The following ARHGAP24 variants were observed in gnomAD, a reference collection of about 807,000 sequenced individuals.
ARHGAP24 encodes Rho GTPase activating protein 24.
ARHGAP24 carries 50 observed loss-of-function variants against 76.4 expected under a neutral mutation model. That is an observed-to-expected ratio of 0.65 (90% CI 0.52 to 0.83). The LOEUF (loss-of-function observed/expected upper bound fraction) is 0.83. ARHGAP24 is among the 40% of genes least tolerant of loss of function. ARHGAP24 has a pLI of 0.00. For missense variants in ARHGAP24, 930 were observed against 914.2 expected (o/e 1.02, Z -0.22); for synonymous variants, 345 against 323.3 (o/e 1.07, Z -0.72).
intron 2 of ARHGAP24, among the ~76,000 whole-genome samples, chr4:85,678,583 G>A (rs1723083236): frequency 6.6e-6 from 1 of 152,108 alleles, no homozygotes; most frequent in South Asian, 2.1e-4. Flanking sequence ...TTAATACCAG[G>A]AAGCTTCTGA....
intron 3 of ARHGAP24, among the ~76,000 whole-genome samples, chr4:85,745,036 AAT>A (rs1352480652): frequency 6.6e-6 from 1 of 152,128 alleles, no homozygotes; most frequent in African/African-American, 2.4e-5. Flanking sequence ...ACAATGTTTA[AAT>A]ATGAGTGTGA....
At position 85,701,005 on chromosome 4, in the gene ARHGAP24, G is replaced by A. The variant is rs140713088; in HGVS notation, c.181-20880G>A. 3.3e-3 allele frequency among the ~76,000 whole-genome samples: 500 copies of A among 152,232 alleles called. 2 individuals carry two copies. Among genetic ancestry groups the A allele is most frequent in the African/African-American group, 0.011 (473 of 41,554 alleles). ...TTCCCCTTGGAAATTCATGAATTAA[G>A]ATGATCTGGAATTGGAAGAAATATT... On this transcript the variant is annotated intron_variant, in intron 2 of 9. Transcript: ENST00000395184.
chr4:85,654,363 T>A (rs1722056101), intron 2 of ARHGAP24, among the ~76,000 whole-genome samples: 1 of 152,186 alleles, frequency 6.6e-6, no homozygotes, highest in African/African-American at 2.4e-5. Context: ...CCTTAAAGGT[T>A]CTATCTCCAA....
chr4:85,855,382 CTAGTCT>C (rs1216675412), intron 3 of ARHGAP24, among the ~76,000 whole-genome samples: 1 of 152,130 alleles, frequency 6.6e-6, no homozygotes, highest in Non-Finnish European at 1.5e-5. Flanking sequence ...ACCAGAATGT[CTAGTCT>C]TAATTTCACA....
At chr4:85,959,973 G>T (rs1738150340) in intron 5 of ARHGAP24, among the ~76,000 whole-genome samples, 1 of 152,018 alleles carries the variant, frequency 6.6e-6, no homozygotes, top group Non-Finnish European at 1.5e-5. Flanking sequence ...ATTCTAAAAA[G>T]TAACCAGAGG....
intron 2 of ARHGAP24, among the ~76,000 whole-genome samples, chr4:85,705,493 C>A (rs565322280): frequency 6.6e-6 from 1 of 152,276 alleles, no homozygotes; most frequent in African/African-American, 2.4e-5. Context: ...AATCAGAACA[C>A]CTGTAGAGAT....
chr4:85,928,807 G>A (rs1736160848), intron 4 of ARHGAP24, among the ~76,000 whole-genome samples: 1 of 152,108 alleles, frequency 6.6e-6, no homozygotes, highest in Non-Finnish European at 1.5e-5. Flanking sequence ...GTTAGCTACT[G>A]CCAAAATCAG....
chr4:85,965,620 T>A (rs942594165), intron 5 of ARHGAP24, among the ~76,000 whole-genome samples: 1 of 152,130 alleles, frequency 6.6e-6, no homozygotes, highest in Non-Finnish European at 1.5e-5. Context: ...CCACTCCAAA[T>A]ACATGTTCTG....
At chr4:85,722,934 C>G (rs978966724) in intron 3 of ARHGAP24, among the ~76,000 whole-genome samples, 1 of 152,128 alleles carries the variant, frequency 6.6e-6, no homozygotes, top group Admixed American at 6.6e-5. Context: ...TCGATGAAAA[C>G]AGCTGTGGCA....
At chr4:85,849,933 A>G (rs577158531) in intron 3 of ARHGAP24, among the ~76,000 whole-genome samples, 2 of 151,774 alleles carry the variant, frequency 1.3e-5, no homozygotes. Context: ...TCTCTGCCAG[A>G]CTTTGGTATC....
chr4:85,699,920 A>C (rs10033273), intron 2 of ARHGAP24, among the ~76,000 whole-genome samples: 106,399 of 151,982 alleles, frequency 0.7, 37,999 homozygotes, highest in Non-Finnish European at 0.79. Flanking sequence ...TGAATAAAAG[A>C]ACAGCTACAA....
intron 2 of ARHGAP24, among the ~76,000 whole-genome samples, chr4:85,625,059 T>A (rs1720888798): frequency 6.6e-6 from 1 of 152,190 alleles, no homozygotes; most frequent in Non-Finnish European, 1.5e-5. Flanking sequence ...GGGTTTTTTG[T>A]GTCCTATTTC....
chr4:85,620,897 C>T (rs745368324), intron 2 of ARHGAP24, among the ~76,000 whole-genome samples: 1 of 151,728 alleles, frequency 6.6e-6, no homozygotes, highest in Non-Finnish European at 1.5e-5. Flanking sequence ...AGCATAGTAC[C>T]CAATAGGTAG....
At chr4:85,905,772 G>A (rs779742346) in intron 3 of ARHGAP24, among the ~76,000 whole-genome samples, 12 of 152,188 alleles carry the variant, frequency 7.9e-5, no homozygotes, top group Middle Eastern at 3.4e-3. Flanking sequence ...AGAAGCAGTC[G>A]GTTTCTCCCA....
chr4:85,479,952 C>T lies in ARHGAP24; in HGVS notation c.-21+4393C>T, dbSNP rs1428647636. On this transcript the variant is annotated intron_variant, in intron 1 of 9. Transcript: ENST00000395184. ...GCTCAAGTTCCTCCTTATTCAGCAT[C>T]TCTGAAAAGCCTGGAACTACTATCA... Among the ~76,000 whole-genome samples the T allele has an allele frequency of 8.5e-5, 13 of 152,182 alleles. No individual in the cohort carries two copies. The East Asian group carries it at 2.5e-3, about 29-fold the overall frequency.
At chr4:85,510,434 C>T (rs926766837) in intron 1 of ARHGAP24, among the ~76,000 whole-genome samples, 2 of 151,548 alleles carry the variant, frequency 1.3e-5, no homozygotes, top group Non-Finnish European at 2.9e-5. Context: ...CTTCTCTTTC[C>T]CTCTCTCTCC....
At chr4:85,551,559 T>A (rs1726141171) in intron 1 of ARHGAP24, among the ~76,000 whole-genome samples, 1 of 152,228 alleles carries the variant, frequency 6.6e-6, no homozygotes, top group Non-Finnish European at 1.5e-5. Context: ...TAGAATGAGT[T>A]GGAGAGGAGT....
intron 3 of ARHGAP24, among the ~76,000 whole-genome samples, chr4:85,749,802 G>A (rs1271302599): frequency 6.6e-6 from 1 of 152,084 alleles, no homozygotes; most frequent in Non-Finnish European, 1.5e-5. Context: ...CCTGACCTCA[G>A]GTGATTCACC....
intron 1 of ARHGAP24, among the ~76,000 whole-genome samples, chr4:85,489,464 G>A (rs79469804): frequency 6.6e-6 from 1 of 152,296 alleles, no homozygotes; most frequent in East Asian, 1.9e-4. Context: ...CTGAGACTGG[G>A]ACTTGATGAC....
Sources: gnomAD v4.1 joint callset for allele counts (sites outside exome capture counted in the v4.1 genomes callset) on GRCh38, gnomAD v4.1.1 for gene constraint, MANE v1.5 for transcripts, NCBI Gene and HGNC (gene_info 2026-07-23, HGNC 2026-07-21) for gene names.